LMOD1: variants seen among roughly 807,000 people sequenced by gnomAD.
LMOD1 encodes the protein leiomodin-1.
LMOD1 carries 8 observed loss-of-function variants against 36.5 expected under a neutral mutation model. That is an observed-to-expected ratio of 0.22 (90% confidence interval 0.13 to 0.40). LMOD1 has a LOEUF of 0.40. LMOD1 is among the 10% of genes least tolerant of loss of function. LMOD1 has a pLI of 1.00. For missense variants in LMOD1, 630 were observed against 751.1 expected, an observed-to-expected ratio of 0.84 and a Z score of 1.88; for synonymous variants, 284 against 288.7, an observed-to-expected ratio of 0.98 and a Z score of 0.17.
intron 1 of LMOD1, among the ~76,000 whole-genome samples, chr1:201,928,311 G>A (rs989274509): frequency 6.6e-6 from 1 of 152,232 alleles, no homozygotes; most frequent in Admixed American, 6.5e-5. Context: ...CAGAAGCCTG[G>A]CTGAGAAAAG....
chr1:201,901,628 GTGTA>G (rs747157901), intron 1 of LMOD1, among the ~76,000 whole-genome samples: 4,043 of 13,906 alleles, frequency 0.29, 666 homozygotes, highest in African/African-American at 0.39. Context: ...ATATGTGTGT[GTGTA>G]TATATATATA....
At chr1:201,918,147 T>C (rs545505015) in intron 1 of LMOD1, among the ~76,000 whole-genome samples, 1 of 152,344 alleles carries the variant, frequency 6.6e-6, no homozygotes, top group South Asian at 2.1e-4. Context: ...TCCCGCCTTC[T>C]CCCTCTTCAG....
chr1:201,924,323 CAAAAAAAA>C (rs758572161), intron 1 of LMOD1, among the ~76,000 whole-genome samples: 2 of 40,136 alleles, frequency 5.0e-5, no homozygotes, highest in African/African-American at 1.8e-4. Context: ...GACTCTGTCT[CAAAAAAAA>C]AAAAAAAGAA....
chr1:201,939,955 G>T (rs747121537), intron 1 of LMOD1, among the ~76,000 whole-genome samples: 1 of 152,132 alleles, frequency 6.6e-6, no homozygotes, highest in Non-Finnish European at 1.5e-5. Context: ...CCGGGGCTTT[G>T]TCCTCACCTT....
At chr1:201,921,694 C>G (rs1215602636) in intron 1 of LMOD1, among the ~76,000 whole-genome samples, 4 of 151,896 alleles carry the variant, frequency 2.6e-5, no homozygotes, top group Non-Finnish European at 5.9e-5. Context: ...GATGCAGTGG[C>G]TCATGCCTAT....
chr1:201,931,829 G>A (rs1448123884), intron 1 of LMOD1, among the ~76,000 whole-genome samples: 1 of 151,296 alleles, frequency 6.6e-6, no homozygotes, highest in Non-Finnish European at 1.5e-5. Flanking sequence ...TTGAGCTCAG[G>A]AGGCAAGGTT....
chr1:201,901,520 A>T (rs1216895316), intron 1 of LMOD1, among the ~76,000 whole-genome samples: 10 of 57,210 alleles, frequency 1.7e-4, no homozygotes, highest in African/African-American at 7.6e-4. Flanking sequence ...AAATATATAT[A>T]TATATATATG....
In LMOD1 at chr1:201,946,456, G is replaced by A. The variant is rs1225565992; in HGVS notation, c.-116C>T. ...GGGCTGAGGAGCAAACCTCCTGCTGGTCGAGGACTGCAGCTCCTTGGCCCT... is the reference window on the plus strand; with the variant it reads ...GGGCTGAGGAGCAAACCTCCTGCTGATCGAGGACTGCAGCTCCTTGGCCCT... On this transcript the variant is annotated 5_prime_UTR_variant, in exon 1 of 3. Coordinates refer to ENST00000367288, the MANE Select transcript of LMOD1 (RefSeq NM_012134.3). 1.9e-6 allele frequency: 2 copies of A among 1,054,442 alleles called. No homozygotes were observed. The highest frequency in any genetic ancestry group is 1.6e-5 in the African/African-American group (1 of 63,270). The allele number at this position is 1,054,442 out of a possible 1,614,324, so 65.3% of individuals were successfully genotyped here.
At chr1:201,933,127 T>C (rs1370273234) in intron 1 of LMOD1, among the ~76,000 whole-genome samples, 1 of 152,054 alleles carries the variant, frequency 6.6e-6, no homozygotes, top group African/African-American at 2.4e-5. Flanking sequence ...GGTTTAAAAA[T>C]GCTACAGATG....
Position 201,924,375 on chromosome 1 carries a change from G to A in LMOD1, c.261+21705C>T, listed in dbSNP as rs867180013. On this transcript the variant is annotated intron_variant, in intron 1 of 2. Coordinates refer to ENST00000367288, the MANE Select transcript of LMOD1 (RefSeq NM_012134.3). The stretch of plus-strand genomic sequence containing the variant: ...AAGGAGGGAGGGAGAGAGGGAGGGA[G>A]GGAGGGAAGGAAGGAAGGAAGGAAG... 1.1e-3 allele frequency among the ~76,000 whole-genome samples: 132 copies of A among 115,822 alleles called. 2 individuals carry two copies. The highest frequency in any genetic ancestry group is 1.8e-3 in the Non-Finnish European group (99 of 54,306). The allele number at this position is 115,822 out of a possible 152,430, so 76.0% of individuals were successfully genotyped here.
chr1:201,921,785 C>A (rs1052398009), intron 1 of LMOD1, among the ~76,000 whole-genome samples: 3 of 151,824 alleles, frequency 2.0e-5, no homozygotes, highest in African/African-American at 7.3e-5. Context: ...ACAGTGAAAC[C>A]CCATCTCTAC....
chr1:201,908,311 C>A (rs1681442862), intron 1 of LMOD1, among the ~76,000 whole-genome samples: 1 of 152,174 alleles, frequency 6.6e-6, no homozygotes. Flanking sequence ...CTAAGGGAAC[C>A]CTTCCATTCA....
In LMOD1 at chr1:201,920,154, G is replaced by A. The variant is rs373478604; in HGVS notation, c.262-19403C>T. 1.6e-3 allele frequency among the ~76,000 whole-genome samples: 236 copies of A among 146,982 alleles called. 2 individuals carry two copies. The highest frequency in any genetic ancestry group is 5.4e-3 in the African/African-American group (217 of 40,126). ...GGCTCACTGCAACCTCAACCTCCGG[G>A]GTTCAAGTGATTCTCCTGCCTCAGC... On this transcript the variant is annotated intron_variant, in intron 1 of 2. Transcript: ENST00000367288.
chr1:201,939,760 CTGTGTGTG>C (rs56135181), intron 1 of LMOD1, among the ~76,000 whole-genome samples: 4 of 149,172 alleles, frequency 2.7e-5, no homozygotes, highest in African/African-American at 7.4e-5. Context: ...TCTGCTCCTG[CTGTGTGTG>C]TGTGTGTGTG....
chr1:201,922,987 G>A (rs1478400162), intron 1 of LMOD1, among the ~76,000 whole-genome samples: 1 of 151,986 alleles, frequency 6.6e-6, no homozygotes, highest in Non-Finnish European at 1.5e-5. Flanking sequence ...ACCATGCCCG[G>A]CTAACGTTTG....
In LMOD1 at chr1:201,901,540, ATATATATATATACATATATATATG is replaced by A. The variant is rs1558234634; in HGVS notation, c.262-813_262-790del. ...TATATATATATATATGTATATATAT[ATATATATATATACATATATATATG>A]TATATATATATATATATATACATAT... On this transcript the variant is annotated intron_variant, in intron 1 of 2. Coordinates refer to ENST00000367288, the MANE Select transcript of LMOD1 (RefSeq NM_012134.3). Among the ~76,000 whole-genome samples, 442 of 47,346 alleles carry A rather than the reference ATATATATATATACATATATATATG, an allele frequency of 9.3e-3. 34 individuals are homozygous for A. Among genetic ancestry groups the A allele is most frequent in the African/African-American group, 0.038 (381 of 10,068 alleles). 31.1% of individuals were successfully genotyped at this position (47,346 alleles called of 152,430 possible).
At position 201,900,209 on chromosome 1, in the gene LMOD1, A is replaced by C. The variant is rs751574917; in HGVS notation, c.804T>G (p.Asp268Glu). ...GTGNTDTKKD[D>E]EKVKKNEPLH... Reference sequence around the variant, plus strand: ...AGGGTTCATTCTTCTTGACTTTTTCATCGTCCTTTTTGGTGTCTGTGTTCC... The same window carrying C: ...AGGGTTCATTCTTCTTGACTTTTTCCTCGTCCTTTTTGGTGTCTGTGTTCC... Residue 268 changes from aspartate to glutamate, a missense_variant, in exon 2 of 3, where the codon GAT (aspartate) becomes GAG (glutamate). Coordinates refer to ENST00000367288, the MANE Select transcript of LMOD1 (RefSeq NM_012134.3). 1.1e-5 allele frequency: 17 copies of C among 1,612,932 alleles called. No individual in the cohort carries two copies. The Admixed American group carries it at 2.8e-4, about 27-fold the overall frequency.
intron 1 of LMOD1, among the ~76,000 whole-genome samples, chr1:201,928,028 A>G (rs931791073): frequency 8.5e-5 from 13 of 152,196 alleles, no homozygotes; most frequent in African/African-American, 2.9e-4. Flanking sequence ...GGTTTGTTAT[A>G]AAAGGACAAT....
intron 1 of LMOD1, among the ~76,000 whole-genome samples, chr1:201,923,897 GAGA>G (rs1681750316): frequency 1.4e-5 from 2 of 141,302 alleles, no homozygotes; most frequent in East Asian, 2.1e-4. Context: ...GAGAGAGAGA[GAGA>G]GAGGGAGGGA....
Sources: allele counts gnomAD v4.1 joint callset (sites outside exome capture counted in the v4.1 genomes callset), GRCh38; gene constraint gnomAD v4.1.1; transcripts MANE v1.5; gene names NCBI Gene and HGNC (gene_info 2026-07-23, HGNC 2026-07-21).